The following DRC11 variants were observed in gnomAD, a reference collection of about 807,000 sequenced individuals.
DRC11 encodes the protein IQ and AAA domain-containing protein 1.
the DRC11 span, among the ~76,000 whole-genome samples, chr2:236,475,521 T>C: frequency 6.6e-6 from 1 of 152,316 alleles, no homozygotes; most frequent in South Asian, 2.1e-4. This position sits in a 1 kb window ranked among gnomAD's most constrained non-coding sequence, Gnocchi z 4.8. Flanking sequence ...GATCATACGG[T>C]ATTAGGTTGG....
At chr2:236,357,056 A>ATATAT in the DRC11 span, among the ~76,000 whole-genome samples, 1,376 of 67,296 alleles carry the variant, frequency 0.02, 28 homozygotes, top group African/African-American at 0.047. Flanking sequence ...TTATATATCT[A>ATATAT]TTTATATATT....
At chr2:236,317,367 G>A in the DRC11 span, among the ~76,000 whole-genome samples, 2 of 152,068 alleles carry the variant, frequency 1.3e-5, no homozygotes, top group Non-Finnish European at 2.9e-5. This position sits in a 1 kb window ranked among gnomAD's most constrained non-coding sequence, Gnocchi z 5.4. Flanking sequence ...TCTACAAGGA[G>A]ATACTACGCA....
chr2:236,365,242 C>T, the DRC11 span, among the ~76,000 whole-genome samples: 24 of 151,918 alleles, frequency 1.6e-4, no homozygotes, highest in African/African-American at 5.8e-4. The surrounding 1 kb of genome is among the most constrained non-coding windows in gnomAD (Gnocchi z 7.4). Flanking sequence ...CCTGAGTTGC[C>T]ATAATGAGAA....
At chr2:236,435,032 A>G in the DRC11 span, among the ~76,000 whole-genome samples, 3 of 152,298 alleles carry the variant, frequency 2.0e-5, no homozygotes, top group East Asian at 5.8e-4. Context: ...TAGAGGGCTG[A>G]GGCAGCCTTT....
chr2:236,332,095 T>A, the DRC11 span: 1 of 163,038 alleles, frequency 6.1e-6, no homozygotes, highest in East Asian at 1.7e-4. This position sits in a 1 kb window ranked among gnomAD's most constrained non-coding sequence, Gnocchi z 5.1. Flanking sequence ...CCAGGGTCAG[T>A]TCCCTTTCAG....
the DRC11 span, chr2:236,454,660 T>C: frequency 4.6e-5 from 7 of 152,222 alleles, no homozygotes; most frequent in East Asian, 1.9e-4. The surrounding 1 kb of genome is among the most constrained non-coding windows in gnomAD (Gnocchi z 5.3). Context: ...AAACTTGGAC[T>C]ATAAAGGGAA....
the DRC11 span, among the ~76,000 whole-genome samples, chr2:236,490,939 A>C: frequency 7.3e-6 from 1 of 136,292 alleles, no homozygotes; most frequent in Non-Finnish European, 1.5e-5. This position sits in a 1 kb window ranked among gnomAD's most constrained non-coding sequence, Gnocchi z 5.5. Flanking sequence ...TATATATATG[A>C]GTGTGTATAT....
chr2:236,466,390 G>A, the DRC11 span, among the ~76,000 whole-genome samples: 1 of 152,148 alleles, frequency 6.6e-6, no homozygotes, highest in African/African-American at 2.4e-5. Context: ...ATTTAATTAT[G>A]AGATGTTCTG....
the DRC11 span, among the ~76,000 whole-genome samples, chr2:236,442,246 C>G: frequency 6.6e-6 from 1 of 151,958 alleles, no homozygotes; most frequent in African/African-American, 2.4e-5. Context: ...AAAAAACTAG[C>G]GAGAAGAGTG....
At chr2:236,395,283 T>C in the DRC11 span, among the ~76,000 whole-genome samples, 1 of 152,158 alleles carries the variant, frequency 6.6e-6, no homozygotes, top group Non-Finnish European at 1.5e-5. Context: ...GCTGATGGGC[T>C]GGAGTGGGCC....
chr2:236,497,635 A>G, the DRC11 span: 3 of 611,606 alleles, frequency 4.9e-6, 1 homozygote, highest in South Asian at 4.2e-5. This position sits in a 1 kb window ranked among gnomAD's most constrained non-coding sequence, Gnocchi z 5.1. Flanking sequence ...TTGATAGACA[A>G]TTTATATCCT....
the DRC11 span, among the ~76,000 whole-genome samples, chr2:236,471,790 C>G: frequency 6.6e-6 from 1 of 152,138 alleles, no homozygotes; most frequent in Non-Finnish European, 1.5e-5. The surrounding 1 kb of genome is among the most constrained non-coding windows in gnomAD (Gnocchi z 4.6). Flanking sequence ...AATCTGAACC[C>G]AGGCAGGTTG....
chr2:236,453,730 C>T, the DRC11 span, among the ~76,000 whole-genome samples: 8 of 152,044 alleles, frequency 5.3e-5, no homozygotes, highest in Non-Finnish European at 1.5e-5. This position sits in a 1 kb window ranked among gnomAD's most constrained non-coding sequence, Gnocchi z 4.9. Flanking sequence ...ACCTCCACCT[C>T]CTGGGTTCAA....
chr2:236,485,741 T>C, the DRC11 span, among the ~76,000 whole-genome samples: 1 of 152,080 alleles, frequency 6.6e-6, no homozygotes, highest in African/African-American at 2.4e-5. Flanking sequence ...AGCCTGGCAG[T>C]GGGATCTGCA....
At chr2:236,415,720 A>C in the DRC11 span, among the ~76,000 whole-genome samples, 1 of 152,212 alleles carries the variant, frequency 6.6e-6, no homozygotes, top group Admixed American at 6.5e-5. The surrounding 1 kb of genome is among the most constrained non-coding windows in gnomAD (Gnocchi z 5.7). Flanking sequence ...TTCATCGTTA[A>C]GTGACTCTTT....
the DRC11 span, among the ~76,000 whole-genome samples, chr2:236,456,260 A>C: frequency 6.6e-6 from 1 of 152,164 alleles, no homozygotes; most frequent in Non-Finnish European, 1.5e-5. This position sits in a 1 kb window ranked among gnomAD's most constrained non-coding sequence, Gnocchi z 5.4. Flanking sequence ...GGTAGGTACT[A>C]TTACTACCCC....
the DRC11 span, among the ~76,000 whole-genome samples, chr2:236,345,128 A>T: frequency 1.4e-5 from 2 of 144,578 alleles, no homozygotes; most frequent in African/African-American, 2.6e-5. Flanking sequence ...TGGGGTGTGC[A>T]GAGCCCTGGT....
the DRC11 span, among the ~76,000 whole-genome samples, chr2:236,402,546 T>TG: frequency 4.0e-5 from 6 of 151,158 alleles, no homozygotes; most frequent in East Asian, 1.9e-4. The surrounding 1 kb of genome is among the most constrained non-coding windows in gnomAD (Gnocchi z 6.0). Flanking sequence ...CTTCATGGGG[T>TG]GGGGGGGCAT....
At chr2:236,491,209 TATAC>T in the DRC11 span, among the ~76,000 whole-genome samples, 64 of 46,058 alleles carry the variant, frequency 1.4e-3, 2 homozygotes, top group African/African-American at 3.5e-3. Context: ...TATATATATA[TATAC>T]ACACAGTATA....
Sources: gnomAD v4.1 joint callset for allele counts (sites outside exome capture counted in the v4.1 genomes callset) on GRCh38, gnomAD v4.1.1 for gene constraint, Gnocchi (gnomAD v3.1) non-coding constraint, MANE v1.5 for transcripts, NCBI Gene and HGNC (gene_info 2026-07-23, HGNC 2026-07-21) for gene names.